NSD1: variants seen among roughly 807,000 people sequenced by gnomAD.
NSD1 encodes histone-lysine N-methyltransferase, H3 lysine-36 specific.
In NSD1, 26 loss-of-function variants were observed where a neutral mutation model predicts 242.7. The observed-to-expected ratio is 0.11, with a 90% CI of 0.08 to 0.15. The LOEUF (loss-of-function observed/expected upper bound fraction) is 0.15. Among genes scored for constraint, NSD1 ranks in the 10% least tolerant of loss-of-function variants. NSD1 has a pLI of 1.00. For missense variants in NSD1, 2,495 were observed against 3,272.8 expected (o/e 0.76, Z 5.80); for synonymous variants, 1,106 against 1,178.1 (o/e 0.94, Z 1.25).
At chr5:177,181,038 G>T (rs114348876) in intron 2 of NSD1, among the ~76,000 whole-genome samples, 1 of 145,964 alleles carries the variant, frequency 6.9e-6, no homozygotes, top group Non-Finnish European at 1.5e-5. Flanking sequence ...AAAAAATGTG[G>T]TTTCTTTTTT....
At chr5:177,158,259 TTCTTTCTTTCTTTC>T (rs1157464694) in intron 2 of NSD1, among the ~76,000 whole-genome samples, 1 of 93,494 alleles carries the variant, frequency 1.1e-5, no homozygotes, top group African/African-American at 5.8e-5. Flanking sequence ...CTTTCTTTCT[TTCTTTCTTTCTTTC>T]TTTCTTTCTT....
Position 177,207,003 on chromosome 5 carries a change from C to A in NSD1, c.1237-2633C>A, listed in dbSNP as rs1762924054. 2.6e-5 allele frequency among the ~76,000 whole-genome samples: 4 copies of A among 151,840 alleles called. No individual in the cohort carries two copies. The South Asian group carries it at 8.3e-4, about 32-fold the overall frequency. On this transcript the variant is annotated intron_variant, in intron 4 of 22. Coordinates refer to ENST00000439151, the MANE Select transcript of NSD1 (RefSeq NM_022455.5). ...CCCAGCTGGAATGCAGTGGCATGAT[C>A]TCGGCTCACCGCAACCTCTGCCTCC...
In NSD1 at chr5:177,214,202, C is replaced by T. The variant is rs569196098; in HGVS notation, c.3796+2007C>T. On this transcript the variant is annotated intron_variant, in intron 5 of 22. Transcript: ENST00000439151. ...CAAAAATTAGCTGGGCATGGTGGCG[C>T]GCTCCTGTAATACCAGCCACTCGGG... Among the ~76,000 whole-genome samples, 5 of 152,104 alleles carry T rather than the reference C, an allele frequency of 3.3e-5. No individual in the cohort carries two copies. The South Asian group carries it at 6.2e-4, about 19-fold the overall frequency.
chr5:177,269,797 A>C lies in NSD1; in HGVS notation c.5499A>C (p.Thr1833=). Residue 1833 remains threonine, a synonymous_variant, in exon 16 of 23, where the codon ACA becomes ACC. Transcript: ENST00000439151. The surrounding 1 kb of genome is among the most constrained non-coding windows in gnomAD (Gnocchi z 5.1). ...KDKMGKGVDG[T]YKKALQEAAA... is the part of the protein sequence containing the mutation. ...AGATGGGCAAAGGAGTGGATGGGAC[A>C]TATAAAAAAGGTAACTTTATCCTTT... 6.2e-7 allele frequency: 1 copy of C among 1,611,264 alleles called. No homozygotes were observed. The highest frequency in any genetic ancestry group is 8.5e-7 in the Non-Finnish European group (1 of 1,178,246).
At chr5:177,146,859 T>C (rs1757290411) in intron 2 of NSD1, among the ~76,000 whole-genome samples, 1 of 151,692 alleles carries the variant, frequency 6.6e-6, no homozygotes, top group Non-Finnish European at 1.5e-5. Context: ...AAAAAAAAAT[T>C]AGCTGGATAT....
At chr5:177,159,840 C>T (rs534172228) in intron 2 of NSD1, among the ~76,000 whole-genome samples, 6 of 152,064 alleles carry the variant, frequency 3.9e-5, no homozygotes, top group East Asian at 1.9e-4. Context: ...CCGCCTGCCT[C>T]GGCCTCCCAA....
At chr5:177,197,362 CCT>C (rs1322007423) in intron 3 of NSD1, among the ~76,000 whole-genome samples, 1 of 152,080 alleles carries the variant, frequency 6.6e-6, no homozygotes, top group Admixed American at 6.6e-5. Context: ...GTGGCTCACG[CCT>C]ATAATCCCAG....
chr5:177,178,854 T>C (rs772461077), intron 2 of NSD1, among the ~76,000 whole-genome samples: 4 of 152,210 alleles, frequency 2.6e-5, no homozygotes, highest in Non-Finnish European at 5.9e-5. Context: ...ATAAGATTAT[T>C]GCCTCTGCTG....
chr5:177,295,703 C>G lies in NSD1; in HGVS notation c.*244C>G. On this transcript the variant is annotated 3_prime_UTR_variant, in exon 23 of 23. Coordinates refer to ENST00000439151, the MANE Select transcript of NSD1 (RefSeq NM_022455.5). The surrounding 1 kb of genome is among the most constrained non-coding windows in gnomAD (Gnocchi z 4.3). ...ACCAAGGAGACAGACAGACTTGGGT[C>G]TCTTTCCCCCAACTTTTCCACATGG... The G allele has an allele frequency of 1.7e-6, 1 of 576,546 alleles. No homozygotes were observed. Among genetic ancestry groups the G allele is most frequent in the Non-Finnish European group, 3.1e-6 (1 of 323,104 alleles). 35.7% of individuals were successfully genotyped at this position (576,546 alleles called of 1,614,324 possible).
chr5:177,232,533 A>G (rs2149879443), intron 5 of NSD1, among the ~76,000 whole-genome samples: 1 of 152,310 alleles, frequency 6.6e-6, no homozygotes, highest in Middle Eastern at 3.4e-3. Context: ...GGGAAAAACT[A>G]TCCTTCCATC....
intron 14 of NSD1, chr5:177,265,503 G>A (rs1187878820): frequency 3.0e-6 from 2 of 671,862 alleles, no homozygotes; most frequent in Non-Finnish European, 2.6e-6. Context: ...GAGAGAGGAA[G>A]GGGGAGCCCC....
At position 177,177,621 on chromosome 5, in the gene NSD1, G is replaced by C. The variant is rs569188766; in HGVS notation, c.928-14263G>C. On this transcript the variant is annotated intron_variant, in intron 2 of 22. Coordinates refer to ENST00000439151, the MANE Select transcript of NSD1 (RefSeq NM_022455.5). ...GCGATGACCATGCCACTGCACTCCA[G>C]CCTGGGTGACAGATTCATTCATACC... 1.4e-4 allele frequency among the ~76,000 whole-genome samples: 22 copies of C among 152,244 alleles called. No homozygotes were observed. The East Asian group carries it at 4.2e-3, about 29-fold the overall frequency.
At chr5:177,224,449 C>T (rs984488239) in intron 5 of NSD1, among the ~76,000 whole-genome samples, 2 of 151,856 alleles carry the variant, frequency 1.3e-5, no homozygotes, top group Non-Finnish European at 2.9e-5. Flanking sequence ...TTTTTGATTT[C>T]ATTCTCAAAT....
intron 17 of NSD1, among the ~76,000 whole-genome samples, chr5:177,278,830 G>A (rs1168089219): frequency 6.6e-6 from 1 of 152,190 alleles, no homozygotes; most frequent in Non-Finnish European, 1.5e-5. Flanking sequence ...GAAATAATAT[G>A]AAATGAGGGG....
Position 177,169,587 on chromosome 5 carries a change from A to C in NSD1, c.928-22297A>C, listed in dbSNP as rs370837028. ...ACGTTTGTTTGAAGTTCCTGGGGCA[A>C]ACGTGTTGTTGATGTTGTGAATTGT... is the stretch of plus-strand genomic sequence containing the variant. On this transcript the variant is annotated intron_variant, in intron 2 of 22. Coordinates refer to ENST00000439151, the MANE Select transcript of NSD1 (RefSeq NM_022455.5). 8.0e-5 allele frequency: 13 copies of C among 162,802 alleles called. 1 individual carries two copies. Among genetic ancestry groups the C allele is most frequent in the African/African-American group, 3.1e-4 (13 of 41,788 alleles). The allele number at this position is 162,802 out of a possible 1,614,324, so 10.1% of individuals were successfully genotyped here. A position where few individuals can be genotyped will look rare whatever the true frequency, so the allele number is the denominator to read the frequency against.
At chr5:177,195,419 T>A (rs1762029243) in intron 3 of NSD1, among the ~76,000 whole-genome samples, 1 of 152,150 alleles carries the variant, frequency 6.6e-6, no homozygotes. Flanking sequence ...AACCTCCCTG[T>A]CCCTATGACT....
chr5:177,270,864 G>C (rs1018450614), intron 16 of NSD1, among the ~76,000 whole-genome samples: 1 of 152,166 alleles, frequency 6.6e-6, no homozygotes. Context: ...TGTGGTTTCT[G>C]TACATAGATA....
chr5:177,155,713 G>C (rs1195395036), intron 2 of NSD1, among the ~76,000 whole-genome samples: 1 of 151,778 alleles, frequency 6.6e-6, no homozygotes, highest in African/African-American at 2.4e-5. Context: ...TGAGACCAGA[G>C]TCTCACTCTG....
At chr5:177,180,251 C>A (rs766298154) in intron 2 of NSD1, among the ~76,000 whole-genome samples, 1 of 151,834 alleles carries the variant, frequency 6.6e-6, no homozygotes. Context: ...CATGCCACCA[C>A]GCCTAGCTAA....
Sources: allele counts gnomAD v4.1 joint callset (sites outside exome capture counted in the v4.1 genomes callset), GRCh38; gene constraint gnomAD v4.1.1; non-coding constraint Gnocchi (gnomAD v3.1); transcripts MANE v1.5; gene names NCBI Gene and HGNC (gene_info 2026-07-23, HGNC 2026-07-21).